The following LIX1 variants were observed in gnomAD, a reference collection of about 807,000 sequenced individuals.
LIX1 encodes the protein limb and CNS expressed 1.
LIX1 carries 24 observed loss-of-function variants against 33.4 expected under a neutral mutation model. The observed-to-expected ratio is 0.72, with a 90% CI of 0.52 to 1.01. The LOEUF (loss-of-function observed/expected upper bound fraction) is 1.01, where lower values mean the gene tolerates loss of function less well. LIX1 is among the 50% of genes least tolerant of loss of function. LIX1 has a pLI of 0.00. For missense variants in LIX1, 311 were observed against 339.2 expected (o/e 0.92, Z 0.65); for synonymous variants, 124 against 124.0 (o/e 1.00, Z 0.00).
Position 97,096,858 on chromosome 5 carries a change from G to A in LIX1, c.513C>T (p.His171=), listed in dbSNP as rs1746404641. 1.9e-6 allele frequency: 3 copies of A among 1,613,850 alleles called. No homozygotes were observed. The highest frequency in any genetic ancestry group is 1.7e-5 in the Admixed American group (1 of 60,004). The change falls in exon 5 of 6, where the codon CAC becomes CAT. Residue 171 remains histidine, a synonymous_variant. Transcript: ENST00000274382. ...QELMTIFQLL[H]WNGSLKALRE... Reference sequence around the variant, plus strand: ...GAAGGGCTTTTAGGCTTCCATTCCAGTGCAATAGTTGGAAAATGGTCATCA... The same window carrying A: ...GAAGGGCTTTTAGGCTTCCATTCCAATGCAATAGTTGGAAAATGGTCATCA...
At chr5:97,115,164 T>G (rs1053121764) in intron 2 of LIX1, among the ~76,000 whole-genome samples, 2 of 152,230 alleles carry the variant, frequency 1.3e-5, no homozygotes, top group Non-Finnish European at 2.9e-5. Flanking sequence ...AAGATTAATT[T>G]GTTGACCAGT....
At chr5:97,104,162 GA>G (rs1281435195) in intron 4 of LIX1, among the ~76,000 whole-genome samples, 1 of 152,134 alleles carries the variant, frequency 6.6e-6, no homozygotes, top group African/African-American at 2.4e-5. Flanking sequence ...GAAGGTATTT[GA>G]AAGTTGTGGC....
In LIX1 at chr5:97,098,871, C is replaced by T. The variant is rs569787040; in HGVS notation, c.484-1984G>A. ...TAAAGCTATCAGATTATTAGAAGAG[C>T]AAATAGCACTTCTCTCATGTCTAAA... On this transcript the variant is annotated intron_variant, in intron 4 of 5. Transcript: ENST00000274382. Among the ~76,000 whole-genome samples, 6 of 152,272 alleles carry T rather than the reference C, an allele frequency of 3.9e-5. No individual in the cohort carries two copies. The East Asian group carries it at 1.2e-3, about 29-fold the overall frequency.
intron 4 of LIX1, among the ~76,000 whole-genome samples, chr5:97,097,368 TA>T (rs762093067): frequency 2.6e-5 from 4 of 152,206 alleles, no homozygotes; most frequent in Non-Finnish European, 4.4e-5. Flanking sequence ...GAACGTTCCA[TA>T]AGTTTAAATA....
chr5:97,102,244 G>A (rs538331282), intron 4 of LIX1: 96 of 151,620 alleles, frequency 6.3e-4, no homozygotes, highest in African/African-American at 2.2e-3. Context: ...TTATATGGTA[G>A]AGTCATCCAT....
intron 2 of LIX1, among the ~76,000 whole-genome samples, chr5:97,123,241 C>T (rs764969379): frequency 2.0e-5 from 3 of 152,190 alleles, no homozygotes; most frequent in Non-Finnish European, 4.4e-5. Flanking sequence ...AAGTTCAACC[C>T]ATATCTCTTC....
At chr5:97,098,392 C>T (rs1191204396) in intron 4 of LIX1, among the ~76,000 whole-genome samples, 1 of 152,088 alleles carries the variant, frequency 6.6e-6, no homozygotes, top group African/African-American at 2.4e-5. Flanking sequence ...TTTCCTAATG[C>T]GGTTACAATT....
intron 4 of LIX1, among the ~76,000 whole-genome samples, chr5:97,102,711 T>C (rs1399438033): frequency 1.3e-5 from 2 of 151,670 alleles, no homozygotes; most frequent in African/African-American, 4.8e-5. Context: ...TTCATAGTAC[T>C]TGGAAGGAAT....
In LIX1 at chr5:97,120,367, A is replaced by G. The variant is rs111258767; in HGVS notation, c.246+4099T>C. Among the ~76,000 whole-genome samples the G allele has an allele frequency of 4.7e-3, 721 of 152,334 alleles. 5 individuals carry two copies. Among genetic ancestry groups the G allele is most frequent in the Middle Eastern group, 0.014 (4 of 294 alleles). On this transcript the variant is annotated intron_variant, in intron 2 of 5. Transcript: ENST00000274382. ...TATGCGAAACACAGTGCTTGAGGTC[A>G]TGGGGAACATAAGGATACACACCCC...
In LIX1 at chr5:97,094,818, C is replaced by G; in HGVS notation, c.779G>C (p.Cys260Ser). 1 of 1,614,182 alleles carries G rather than the reference C, an allele frequency of 6.2e-7. No homozygotes were observed. The highest frequency in any genetic ancestry group is 1.1e-5 in the South Asian group (1 of 91,082). The change falls in exon 6 of 6, where the codon TGC becomes TCC. Residue 260 changes from cysteine (C) to serine (S), a missense_variant. Cys to Ser is a moderately radical substitution (Grantham distance 112). Transcript: ENST00000274382. ...EILSLALTQI[C>S]SDPDTSSPSD... is the part of the protein sequence containing the mutation. Reference sequence around the variant, plus strand: ...GGGTGAGGAAGTGTCAGGGTCACTGCAGATCTGAGTCAGGGCTAAGCTCAA... The same window carrying G: ...GGGTGAGGAAGTGTCAGGGTCACTGGAGATCTGAGTCAGGGCTAAGCTCAA...
At chr5:97,128,772 T>A (rs539582380) in intron 1 of LIX1, among the ~76,000 whole-genome samples, 10 of 152,202 alleles carry the variant, frequency 6.6e-5, no homozygotes, top group Non-Finnish European at 1.5e-4. Flanking sequence ...CCAAGTTTTG[T>A]CAGTTTCATA....
At chr5:97,122,634 T>G (rs1747812381) in intron 2 of LIX1, among the ~76,000 whole-genome samples, 1 of 152,208 alleles carries the variant, frequency 6.6e-6, no homozygotes, top group African/African-American at 2.4e-5. Context: ...GAGAACTGTC[T>G]GAATATTCAG....
At chr5:97,108,988 C>T (rs1747218210) in intron 2 of LIX1, among the ~76,000 whole-genome samples, 1 of 152,154 alleles carries the variant, frequency 6.6e-6, no homozygotes, top group South Asian at 2.1e-4. Context: ...AACATCCCCA[C>T]CTCCATCCTA....
intron 2 of LIX1, among the ~76,000 whole-genome samples, chr5:97,113,715 C>T (rs115559931): frequency 0.021 from 3,171 of 152,248 alleles, 53 homozygotes; most frequent in Non-Finnish European, 0.032. Flanking sequence ...GAAATGGCCA[C>T]CCACTTTGGA....
chr5:97,096,220 A>T lies in LIX1; in HGVS notation c.561+590T>A, dbSNP rs576807790. On this transcript the variant is annotated intron_variant, in intron 5 of 5. Coordinates refer to ENST00000274382, the MANE Select transcript of LIX1 (RefSeq NM_153234.5). ...AGGAGGGGGTTCACATTAGCTATTA[A>T]AAAAGGGGGAAGGGTGCTTCTCATA... 5.3e-5 allele frequency among the ~76,000 whole-genome samples: 8 copies of T among 152,352 alleles called. 1 individual carries two copies. The East Asian group carries it at 1.5e-3, about 29-fold the overall frequency.
intron 1 of LIX1, among the ~76,000 whole-genome samples, chr5:97,135,606 G>A (rs1487923779): frequency 2.0e-5 from 3 of 152,134 alleles, no homozygotes; most frequent in Admixed American, 6.5e-5. Context: ...ATCACTTGAG[G>A]TCAGGAGTTT....
chr5:97,111,197 C>T (rs780554906), intron 2 of LIX1, among the ~76,000 whole-genome samples: 16 of 152,136 alleles, frequency 1.1e-4, no homozygotes, highest in Non-Finnish European at 1.9e-4. Flanking sequence ...TTAGTTGTCT[C>T]CCGCCTCCTG....
At position 97,092,463 on chromosome 5, in the gene LIX1, A is replaced by G. The variant is rs1359441540; in HGVS notation, c.*2285T>C. 6.6e-6 allele frequency: 1 copy of G among 152,322 alleles called. No individual in the cohort carries two copies. Among genetic ancestry groups the G allele is most frequent in the African/African-American group, 2.4e-5 (1 of 41,420 alleles). The allele number at this position is 152,322 out of a possible 1,614,324, so 9.4% of individuals were successfully genotyped here. Reference sequence around the variant, plus strand: ...GGCTATAGTTAAAGATGTTTATATGATAGACTGACAGCCCTTATGTCTCAG... The same window carrying G: ...GGCTATAGTTAAAGATGTTTATATGGTAGACTGACAGCCCTTATGTCTCAG... On this transcript the variant is annotated 3_prime_UTR_variant, in exon 6 of 6. Transcript: ENST00000274382.
rs188981486 is a variant in LIX1 at position 97,095,263 on chromosome 5, A to G, written c.562-228T>C. 1.6e-4 allele frequency among the ~76,000 whole-genome samples: 25 copies of G among 152,382 alleles called. No homozygotes were observed. The East Asian group carries it at 2.9e-3, about 18-fold the overall frequency. On this transcript the variant is annotated intron_variant, in intron 5 of 5. Coordinates refer to ENST00000274382, the MANE Select transcript of LIX1 (RefSeq NM_153234.5). Reference sequence around the variant, plus strand: ...CCAGGTTGAGTCAAAACACACCACCAGGAATGACTCAATAATGTTCACCAA... The same window carrying G: ...CCAGGTTGAGTCAAAACACACCACCGGGAATGACTCAATAATGTTCACCAA...
Sources: gnomAD v4.1 joint callset for allele counts (sites outside exome capture counted in the v4.1 genomes callset) on GRCh38, gnomAD v4.1.1 for gene constraint, MANE v1.5 for transcripts, NCBI Gene and HGNC (gene_info 2026-07-23, HGNC 2026-07-21) for gene names.